The following CKAP5 variants were observed in gnomAD, a reference collection of about 807,000 sequenced individuals.
CKAP5 encodes cytoskeleton-associated protein 5.
A neutral mutation model predicts 232.8 loss-of-function variants in CKAP5; 27 were observed. That is an observed-to-expected ratio of 0.12 (90% CI 0.09 to 0.16). The LOEUF is 0.16. Ranked by LOEUF, CKAP5 falls within the 10% of genes least tolerant of loss-of-function variation. The pLI, the probability that CKAP5 is intolerant of heterozygous loss-of-function variation, is 1.00. For synonymous variants in CKAP5, 785 were observed against 841.1 expected, an observed-to-expected ratio of 0.93 and a Z score of 1.16; for missense variants, 1,838 against 2,424.7, an observed-to-expected ratio of 0.76 and a Z score of 5.08.
intron 7 of CKAP5, 56 bp from the exon 8 acceptor site, chr11:46,808,200 T>G: frequency 8.8e-7 from 1 of 1,134,656 alleles, no homozygotes; most frequent in Non-Finnish European, 1.3e-6. Context: ...GGAATAAAAG[T>G]CTATTTATTG....
chr11:46,777,332 A>G (rs1190656003), intron 23 of CKAP5, 107 bp downstream of exon 23: 1 of 627,496 alleles, frequency 1.6e-6, no homozygotes, highest in South Asian at 2.2e-5. Context: ...TCATCTTTAT[A>G]AAGTTTATCA....
rs534990598 is a variant in CKAP5, at chr11:46,798,274, A to G, written c.1084-102T>C. ...AACCTTAAAAATAGTATGCTAAGTT[A>G]AAAAAAAAGCCAGTCACAGGCTGGG... On this transcript the variant is annotated intron_variant, in intron 9 of 43. Transcript: ENST00000529230. The G allele has an allele frequency of 5.3e-5, 38 of 720,456 alleles. No homozygotes were observed. In the African/African-American group the frequency reaches 6.5e-4, roughly 12 times the overall value. The allele number at this position is 720,456 out of a possible 1,614,324, so 44.6% of individuals were successfully genotyped here. A position where few individuals can be genotyped will look rare whatever the true frequency, so the allele number is the denominator to read the frequency against.
intron 42 of CKAP5, among the ~76,000 whole-genome samples, chr11:46,749,605 AAG>A (rs1392853450): frequency 1.3e-5 from 2 of 152,084 alleles, no homozygotes; most frequent in Admixed American, 6.6e-5. Flanking sequence ...TTAAGGAAAT[AAG>A]AGAAAGAGAG....
rs142196477 is a variant in CKAP5 at position 46,804,492 on chromosome 11, T to C, written c.979-3188A>G. On this transcript the variant is annotated intron_variant, in intron 8 of 43. Coordinates refer to ENST00000529230, the MANE Select transcript of CKAP5 (RefSeq NM_001008938.4). The stretch of plus-strand genomic sequence containing the variant: ...GAAGCTTTAGCTCATAATCTCAATA[T>C]AATTTAAACAATAGGAAATCTTGTA... Among the ~76,000 whole-genome samples, 356 of 152,348 alleles carry C rather than the reference T, an allele frequency of 2.3e-3. 1 individual carries two copies. Among genetic ancestry groups the C allele is most frequent in the African/African-American group, 8.3e-3 (344 of 41,580 alleles).
At chr11:46,784,395 T>C in intron 17 of CKAP5, 93 bp downstream of exon 17, 1 of 1,019,578 alleles carries the variant, frequency 9.8e-7, no homozygotes, top group South Asian at 1.6e-5. Flanking sequence ...AGATTTTACT[T>C]GAGAAGATAA....
At chr11:46,748,826 T>C (rs183917833) in intron 42 of CKAP5, among the ~76,000 whole-genome samples, 3 of 151,876 alleles carry the variant, frequency 2.0e-5, no homozygotes, top group Admixed American at 1.3e-4. Context: ...ATCAGGACTT[T>C]AGTTTTTTTG....
intron 27 of CKAP5, 61 bp from the exon 28 acceptor site, chr11:46,765,317 C>T: frequency 2.8e-6 from 4 of 1,453,250 alleles, no homozygotes; most frequent in Non-Finnish European, 3.7e-6. Flanking sequence ...GAATATGATG[C>T]TGCTGCCCAG....
At chr11:46,758,762 G>T in intron 35 of CKAP5, 161 bp downstream of exon 35, 1 of 700,044 alleles carries the variant, frequency 1.4e-6, no homozygotes, top group Non-Finnish European at 2.3e-6. Context: ...ATCCTCTGAG[G>T]CAAGTGATGA....
intron 14 of CKAP5, 106 bp downstream of exon 14, chr11:46,790,364 A>T: frequency 3.3e-6 from 3 of 912,216 alleles, no homozygotes; most frequent in Non-Finnish European, 3.4e-6. Context: ...AAGCTAAAAA[A>T]TATCAATTAA....
chr11:46,790,460 T>G lies in CKAP5; in HGVS notation c.1764+10A>C. Reference sequence around the variant, plus strand: ...TTCATGATTTTCAGGCTCAGTGTGTTAATACTGACCGAGAGCTCAGGCTCC... The same window carrying G: ...TTCATGATTTTCAGGCTCAGTGTGTGAATACTGACCGAGAGCTCAGGCTCC... On this transcript the variant is annotated intron_variant, in intron 14 of 43. Transcript: ENST00000529230. 1 of 1,581,930 alleles carries G rather than the reference T, an allele frequency of 6.3e-7. No individual in the cohort carries two copies. The highest frequency in any genetic ancestry group is 8.7e-7 in the Non-Finnish European group (1 of 1,151,382).
At chr11:46,769,191 T>C (rs1185856609) in intron 26 of CKAP5, among the ~76,000 whole-genome samples, 1 of 152,170 alleles carries the variant, frequency 6.6e-6, no homozygotes, top group Non-Finnish European at 1.5e-5. Context: ...AGTGCTGGGA[T>C]TACAAGCATG....
rs1401045886 is a variant in CKAP5 at position 46,780,181 on chromosome 11, G to C, written c.2433+13C>G. On this transcript the variant is annotated intron_variant, in intron 20 of 43. Coordinates refer to ENST00000529230, the MANE Select transcript of CKAP5 (RefSeq NM_001008938.4). ...AGTCCACTAACAGATTGTATCATTT[G>C]TGGAAATTCTACCTTCTCAAATTCT... The C allele has an allele frequency of 6.2e-7, 1 of 1,613,732 alleles. No individual in the cohort carries two copies. Among genetic ancestry groups the C allele is most frequent in the Admixed American group, 1.7e-5 (1 of 60,004 alleles).
In CKAP5 at chr11:46,809,866, T is replaced by G; in HGVS notation, c.639A>C (p.Glu213Asp). 1 of 1,608,472 alleles carries G rather than the reference T, an allele frequency of 6.2e-7. No individual in the cohort carries two copies. The highest frequency in any genetic ancestry group is 8.5e-7 in the Non-Finnish European group (1 of 1,178,540). Residue 213 changes from glutamate to aspartate, a missense_variant, in exon 6 of 44, where the codon GAA becomes GAC. Physicochemically the swap from Glu to Asp is conservative, Grantham distance 45. Transcript: ENST00000529230. ...LQNINSVQLKELEEEWVKLPT... is the reference protein window; with the variant it reads ...LQNINSVQLKDLEEEWVKLPT... Reference sequence around the variant, plus strand: ...GCAGTTTGACCCATTCTTCTTCTAGTTCTTTCAACTGCAAATGTCATATAA... The same window carrying G: ...GCAGTTTGACCCATTCTTCTTCTAGGTCTTTCAACTGCAAATGTCATATAA...
chr11:46,798,017 C>A (rs1405840180), intron 10 of CKAP5, 48 bp from the exon 11 acceptor site: 11 of 1,605,298 alleles, frequency 6.9e-6, no homozygotes, highest in Non-Finnish European at 9.4e-6. Flanking sequence ...TTGTAAAGAA[C>A]AATCAAAATA....
intron 1 of CKAP5, among the ~76,000 whole-genome samples, chr11:46,839,459 A>G (rs975905883): frequency 6.6e-6 from 1 of 152,246 alleles, no homozygotes; most frequent in Non-Finnish European, 1.5e-5. Flanking sequence ...TTGACTACCA[A>G]GAATCCTAAT....
At chr11:46,838,617 CAAAAAAAAAAAAAAA>C (rs56117525) in intron 1 of CKAP5, among the ~76,000 whole-genome samples, 1 of 45,052 alleles carries the variant, frequency 2.2e-5, no homozygotes, top group Non-Finnish European at 3.8e-5. Flanking sequence ...CTTGCCTCTT[CAAAAAAAAAAAAAAA>C]AAAAAAAAAA....
chr11:46,762,833 A>G, intron 30 of CKAP5, 71 bp from the exon 31 acceptor site: 1 of 1,528,906 alleles, frequency 6.5e-7, no homozygotes, highest in Non-Finnish European at 9.0e-7. Context: ...ATGCATTACT[A>G]TGTTTTGAAA....
chr11:46,767,062 T>C (rs1016100527), intron 27 of CKAP5, among the ~76,000 whole-genome samples: 1 of 151,498 alleles, frequency 6.6e-6, no homozygotes, highest in Non-Finnish European at 1.5e-5. Context: ...CGCTCTGTCA[T>C]CCAGGCTGGA....
intron 1 of CKAP5, among the ~76,000 whole-genome samples, chr11:46,836,396 G>A (rs139451895): frequency 0.01 from 1,522 of 152,196 alleles, 15 homozygotes; most frequent in Non-Finnish European, 0.017. Flanking sequence ...AGGTAATGTC[G>A]TGAAAACGAA....
Sources: allele counts gnomAD v4.1 joint callset (sites outside exome capture counted in the v4.1 genomes callset), GRCh38; gene constraint gnomAD v4.1.1; transcripts MANE v1.5; gene names NCBI Gene and HGNC (gene_info 2026-07-23, HGNC 2026-07-21).